Variants in NLGN1 observed in about 807,000 individuals in gnomAD.
NLGN1 encodes neuroligin-1.
NLGN1 carries 12 observed loss-of-function variants against 65.5 expected under a neutral mutation model. That is an observed-to-expected ratio of 0.18 (90% CI 0.12 to 0.30). NLGN1 has a LOEUF of 0.30. Among genes scored for constraint, NLGN1 ranks in the 10% least tolerant of loss-of-function variants. NLGN1 has a pLI of 1.00. For missense variants in NLGN1, 750 were observed against 1,007.1 expected (o/e 0.74, Z 3.46); for synonymous variants, 350 against 359.5 (o/e 0.97, Z 0.30).
At chr3:173,763,270 CT>C (rs938707259) in intron 3 of NLGN1, among the ~76,000 whole-genome samples, 2 of 151,974 alleles carry the variant, frequency 1.3e-5, no homozygotes, top group East Asian at 3.9e-4. Flanking sequence ...TACCTGACCC[CT>C]TTTTTTGTCC....
At chr3:173,422,018 T>G (rs1448617220) in intron 1 of NLGN1, among the ~76,000 whole-genome samples, 1 of 152,092 alleles carries the variant, frequency 6.6e-6, no homozygotes, top group Non-Finnish European at 1.5e-5. Context: ...AATAATTTGG[T>G]TATCCATCAA....
chr3:173,833,260 A>C (rs1162887656), intron 4 of NLGN1, among the ~76,000 whole-genome samples: 1 of 152,142 alleles, frequency 6.6e-6, no homozygotes, highest in African/African-American at 2.4e-5. Context: ...GTGTATTTTC[A>C]AACCATGTGC....
chr3:173,834,583 A>G (rs1407801382), intron 4 of NLGN1, among the ~76,000 whole-genome samples: 2 of 152,214 alleles, frequency 1.3e-5, no homozygotes, highest in Non-Finnish European at 1.5e-5. Context: ...TAATAATAAT[A>G]ACAATGCTTA....
At chr3:173,968,053 A>T (rs1715269839) in intron 4 of NLGN1, among the ~76,000 whole-genome samples, 5 of 152,178 alleles carry the variant, frequency 3.3e-5, no homozygotes, top group African/African-American at 1.2e-4. Context: ...TTTGAACTTT[A>T]TCTCTGAAAG....
chr3:173,526,389 C>T (rs1735647887), intron 2 of NLGN1, among the ~76,000 whole-genome samples: 1 of 151,648 alleles, frequency 6.6e-6, no homozygotes, highest in Non-Finnish European at 1.5e-5. Context: ...GGCTACTGCT[C>T]TTCATTTTTT....
At chr3:174,117,307 C>T (rs1168703780) in intron 4 of NLGN1, among the ~76,000 whole-genome samples, 2 of 151,626 alleles carry the variant, frequency 1.3e-5, no homozygotes, top group African/African-American at 4.8e-5. Flanking sequence ...ATATATATCA[C>T]AGCACACAAA....
At chr3:174,063,174 G>GGA (rs1737777356) in intron 4 of NLGN1, among the ~76,000 whole-genome samples, 2 of 152,104 alleles carry the variant, frequency 1.3e-5, no homozygotes, top group African/African-American at 4.8e-5. Flanking sequence ...GAGAATTAAT[G>GGA]GAGTATGGAC....
At chr3:173,608,091 T>C (rs1157697160) in intron 3 of NLGN1, among the ~76,000 whole-genome samples, 5 of 151,934 alleles carry the variant, frequency 3.3e-5, no homozygotes, top group Non-Finnish European at 7.4e-5. Context: ...GTATTTTCTG[T>C]ACTTTGTTGT....
At chr3:173,406,155 A>C (rs1718611594) in intron 1 of NLGN1, among the ~76,000 whole-genome samples, 1 of 152,252 alleles carries the variant, frequency 6.6e-6, no homozygotes, top group South Asian at 2.1e-4. Flanking sequence ...ACAGAACAAA[A>C]GTAGGATTTA....
chr3:174,064,215 G>A (rs1353776516), intron 4 of NLGN1, among the ~76,000 whole-genome samples: 1 of 151,958 alleles, frequency 6.6e-6, no homozygotes, highest in Non-Finnish European at 1.5e-5. Flanking sequence ...ACCAGGAAAA[G>A]CATATAGAAA....
chr3:173,989,101 G>A (rs1720552640), intron 4 of NLGN1, among the ~76,000 whole-genome samples: 2 of 152,136 alleles, frequency 1.3e-5, no homozygotes. Flanking sequence ...ATCTCTCAAG[G>A]TTGTCACTCA....
intron 4 of NLGN1, among the ~76,000 whole-genome samples, chr3:173,910,083 C>T (rs1739286878): frequency 6.6e-6 from 1 of 152,146 alleles, no homozygotes; most frequent in African/African-American, 2.4e-5. Context: ...GACTTTATTC[C>T]AGGCACTTGA....
At chr3:173,657,296 T>A (rs1231707504) in intron 3 of NLGN1, among the ~76,000 whole-genome samples, 1 of 152,030 alleles carries the variant, frequency 6.6e-6, no homozygotes, top group Non-Finnish European at 1.5e-5. Flanking sequence ...CAACTCCATG[T>A]GCTGCCAATT....
At chr3:173,610,317 G>C (rs1013217187) in intron 3 of NLGN1, among the ~76,000 whole-genome samples, 5 of 151,942 alleles carry the variant, frequency 3.3e-5, no homozygotes. Context: ...GGGAGAAGCA[G>C]AGTACAAAAA....
intron 4 of NLGN1, among the ~76,000 whole-genome samples, chr3:173,934,707 A>C (rs866666127): frequency 1.3e-5 from 2 of 152,108 alleles, no homozygotes; most frequent in South Asian, 4.1e-4. Context: ...TTCTCAAAGT[A>C]TTTTCTCAGA....
chr3:174,056,645 GC>G (rs1171070759), intron 4 of NLGN1, among the ~76,000 whole-genome samples: 1 of 151,842 alleles, frequency 6.6e-6, no homozygotes, highest in East Asian at 1.9e-4. Context: ...AAAGATAAAG[GC>G]CATTTATTTT....
chr3:173,610,367 T>C (rs547369679), intron 3 of NLGN1, among the ~76,000 whole-genome samples: 13 of 152,056 alleles, frequency 8.5e-5, no homozygotes, highest in African/African-American at 2.9e-4. Flanking sequence ...AGGTGACCCT[T>C]AGACATTCAA....
chr3:174,133,484 A>G (rs978716422), intron 4 of NLGN1, among the ~76,000 whole-genome samples: 1 of 152,162 alleles, frequency 6.6e-6, no homozygotes, highest in Non-Finnish European at 1.5e-5. Flanking sequence ...CAGCCAGTCA[A>G]TCTTTGGAGG....
intron 4 of NLGN1, among the ~76,000 whole-genome samples, chr3:174,052,808 T>A (rs1036962651): frequency 6.6e-6 from 1 of 151,994 alleles, no homozygotes; most frequent in African/African-American, 2.4e-5. Flanking sequence ...ACAACAAAAT[T>A]CACTATCAGT....
Sources: allele counts gnomAD v4.1 joint callset (sites outside exome capture counted in the v4.1 genomes callset), GRCh38; gene constraint gnomAD v4.1.1; transcripts MANE v1.5; gene names NCBI Gene and HGNC (gene_info 2026-07-23, HGNC 2026-07-21).